The following EDARADD variants were observed in gnomAD, a reference collection of about 807,000 sequenced individuals.
EDARADD encodes the protein ectodysplasin-A receptor-associated adapter protein.
A neutral mutation model predicts 25.6 loss-of-function variants in EDARADD; 20 were observed. That is an observed-to-expected ratio of 0.78 (90% CI 0.55 to 1.14). The LOEUF (loss-of-function observed/expected upper bound fraction) is 1.14. Ranked by LOEUF, EDARADD falls within the 50% of genes most tolerant of loss-of-function variation. EDARADD has a pLI of 0.00. For synonymous variants in EDARADD, 86 were observed against 94.4 expected, an observed-to-expected ratio of 0.91 and a Z score of 0.52; for missense variants, 225 against 270.1, an observed-to-expected ratio of 0.83 and a Z score of 1.17.
At chr1:236,480,129 A>ATC (rs1363305686) in intron 5 of EDARADD, among the ~76,000 whole-genome samples, 14 of 140,880 alleles carry the variant, frequency 9.9e-5, no homozygotes, top group African/African-American at 3.5e-4. Flanking sequence ...ATATATATAT[A>ATC]TATATATCAC....
intron 4 of EDARADD, among the ~76,000 whole-genome samples, chr1:236,432,907 G>A (rs372962468): frequency 6.6e-6 from 1 of 150,814 alleles, no homozygotes; most frequent in African/African-American, 2.5e-5. Flanking sequence ...ACTCCAGCAT[G>A]GATGACAGAG....
At chr1:236,358,067 T>C (rs1029321866) in intron 3 of EDARADD, among the ~76,000 whole-genome samples, 1 of 152,084 alleles carries the variant, frequency 6.6e-6, no homozygotes, top group Non-Finnish European at 1.5e-5. Context: ...GATGGGGTTT[T>C]GCCATGTTGG....
chr1:236,405,812 C>CTTTTT (rs1558112589), intron 1 of EDARADD, among the ~76,000 whole-genome samples: 138 of 121,340 alleles, frequency 1.1e-3, no homozygotes, highest in Admixed American at 3.1e-3. Flanking sequence ...TTCTTTCTTT[C>CTTTTT]CTTCCTTCCT....
intron 3 of EDARADD, among the ~76,000 whole-genome samples, chr1:236,377,330 A>G (rs1335329543): frequency 6.7e-6 from 1 of 149,226 alleles, no homozygotes; most frequent in African/African-American, 2.4e-5. Flanking sequence ...TAATTTTTAT[A>G]TTTTTAGTAG....
At chr1:236,418,846 C>CA (rs1657708662) in intron 3 of EDARADD, among the ~76,000 whole-genome samples, 1 of 152,122 alleles carries the variant, frequency 6.6e-6, no homozygotes, top group Non-Finnish European at 1.5e-5. Flanking sequence ...CTCATCCTCC[C>CA]ACCTGTGTGG....
At chr1:236,456,600 G>A (rs1344672285) in intron 4 of EDARADD, among the ~76,000 whole-genome samples, 1 of 151,924 alleles carries the variant, frequency 6.6e-6, no homozygotes, top group Non-Finnish European at 1.5e-5. Flanking sequence ...CCTTCCTCCT[G>A]CGTGTGCCTC....
chr1:236,377,806 C>T (rs770370633), intron 3 of EDARADD, among the ~76,000 whole-genome samples: 8 of 151,676 alleles, frequency 5.3e-5, no homozygotes, highest in South Asian at 2.1e-4. Flanking sequence ...TGCAGTGAGC[C>T]AAGATCGTGC....
chr1:236,457,953 C>G (rs1055013294), intron 4 of EDARADD, among the ~76,000 whole-genome samples: 1 of 152,152 alleles, frequency 6.6e-6, no homozygotes, highest in Admixed American at 6.5e-5. Flanking sequence ...TTTATCAGCT[C>G]TAATTGTTTG....
At chr1:236,440,517 A>C (rs990371228) in intron 4 of EDARADD, among the ~76,000 whole-genome samples, 3 of 151,566 alleles carry the variant, frequency 2.0e-5, no homozygotes, top group Non-Finnish European at 4.4e-5. Context: ...ATATCTCTCC[A>C]TTTACAGGGC....
intron 4 of EDARADD, among the ~76,000 whole-genome samples, chr1:236,447,200 CTTTCTTTCTTTCTTTCTTTCT>C (rs1658575139): frequency 1.8e-5 from 1 of 56,242 alleles, no homozygotes; most frequent in Non-Finnish European, 3.8e-5. Context: ...TTCTTTCTTT[CTTTCTTTCTTTCTTTCTTTCT>C]TTCCTTTCTT....
chr1:236,419,983 G>A (rs371521200), intron 3 of EDARADD, among the ~76,000 whole-genome samples: 1 of 152,148 alleles, frequency 6.6e-6, no homozygotes, highest in South Asian at 2.1e-4. Flanking sequence ...TTCCAGACCA[G>A]CCTGGTCAAC....
At chr1:236,401,820 C>T (rs1258047630) in intron 1 of EDARADD, among the ~76,000 whole-genome samples, 1 of 152,184 alleles carries the variant, frequency 6.6e-6, no homozygotes, top group South Asian at 2.1e-4. Context: ...GAAACAGAGT[C>T]TTTCCAGAGG....
At chr1:236,381,824 T>TTTTTTC (rs1667304619) in intron 3 of EDARADD, among the ~76,000 whole-genome samples, 1 of 146,128 alleles carries the variant, frequency 6.8e-6, no homozygotes, top group Non-Finnish European at 1.5e-5. Context: ...TTTTTTTTTT[T>TTTTTTC]TCAGAGTTGG....
intron 5 of EDARADD, among the ~76,000 whole-genome samples, chr1:236,479,316 T>C (rs1020570387): frequency 6.6e-6 from 1 of 151,718 alleles, no homozygotes; most frequent in African/African-American, 2.4e-5. Flanking sequence ...TGCAACATAG[T>C]GGGACCCTGT....
At chr1:236,459,186 T>G (rs972089229) in intron 4 of EDARADD, among the ~76,000 whole-genome samples, 2 of 152,136 alleles carry the variant, frequency 1.3e-5, no homozygotes, top group African/African-American at 4.8e-5. Context: ...TCCTACAGCC[T>G]GGGATTTGTG....
At chr1:236,361,861 T>C (rs1667054848) in intron 3 of EDARADD, among the ~76,000 whole-genome samples, 1 of 151,992 alleles carries the variant, frequency 6.6e-6, no homozygotes, top group Non-Finnish European at 1.5e-5. Flanking sequence ...CAAATACTTT[T>C]CTGAACATCC....
chr1:236,400,688 G>C (rs1225664378), intron 1 of EDARADD, among the ~76,000 whole-genome samples: 1 of 151,172 alleles, frequency 6.6e-6, no homozygotes, highest in Non-Finnish European at 1.5e-5. Context: ...CTGAGTAGCT[G>C]GGGCCACAGG....
chr1:236,437,743 C>CTT (rs5781886), intron 4 of EDARADD, among the ~76,000 whole-genome samples: 57 of 88,048 alleles, frequency 6.5e-4, no homozygotes, highest in East Asian at 1.5e-3. Flanking sequence ...TTGGTTCCTT[C>CTT]TTTTTTTTTT....
chr1:236,398,142 C>G lies in EDARADD; in HGVS notation c.61+3637C>G, dbSNP rs1236955736. 6.6e-6 allele frequency among the ~76,000 whole-genome samples: 1 copy of G among 151,962 alleles called. No homozygotes were observed. On this transcript the variant is annotated intron_variant, in intron 1 of 5. Transcript: ENST00000334232. The surrounding 1 kb of genome is among the most constrained non-coding windows in gnomAD (Gnocchi z 4.1). ...TTTTATTTTTATTATTATTATTTTTCAAGATGGAGTCTCACTCTGTCACCC... is the reference window on the plus strand; with the variant it reads ...TTTTATTTTTATTATTATTATTTTTGAAGATGGAGTCTCACTCTGTCACCC...
Sources: gnomAD v4.1 joint callset for allele counts (sites outside exome capture counted in the v4.1 genomes callset) on GRCh38, gnomAD v4.1.1 for gene constraint, Gnocchi (gnomAD v3.1) non-coding constraint, MANE v1.5 for transcripts, NCBI Gene and HGNC (gene_info 2026-07-23, HGNC 2026-07-21) for gene names.